Variants in ZNF641 observed in about 807,000 individuals in gnomAD.
ZNF641 encodes the protein zinc finger protein 641.
ZNF641 carries 26 observed loss-of-function variants against 46.2 expected under a neutral mutation model. The observed-to-expected ratio is 0.56, with a 90% CI of 0.41 to 0.78. The LOEUF (loss-of-function observed/expected upper bound fraction) is 0.78. ZNF641 is among the 30% of genes least tolerant of loss of function. The pLI, the probability that ZNF641 is intolerant of heterozygous loss-of-function variation, is 0.00. For missense variants in ZNF641, 469 were observed against 517.8 expected (o/e 0.91, Z 0.91); for synonymous variants, 163 against 187.9 (o/e 0.87, Z 1.09).
chr12:48,344,909 T>C (rs1470824353), intron 4 of ZNF641, 197 bp from the exon 5 acceptor site: 1 of 547,506 alleles, frequency 1.8e-6, no homozygotes, highest in East Asian at 3.1e-5. Context: ...AGAAAATCAC[T>C]CTCCTTCCCA....
rs1421717916 is a variant in ZNF641 at position 48,339,851 on chromosome 12, A to T, written c.*3122T>A. 1.2e-6 allele frequency: 1 copy of T among 859,510 alleles called. No homozygotes were observed. The highest frequency in any genetic ancestry group is 6.2e-5 in the Admixed American group (1 of 16,090). The allele number at this position is 859,510 out of a possible 1,614,324, so 53.2% of individuals were successfully genotyped here. On this transcript the variant is annotated 3_prime_UTR_variant, in exon 6 of 6. Transcript: ENST00000547026. ...CAATTAGAACTAAGGCGTAAAGTGTAAATAGCCTGGTGAAAAGCTAACACT... is the reference window on the plus strand; with the variant it reads ...CAATTAGAACTAAGGCGTAAAGTGTTAATAGCCTGGTGAAAAGCTAACACT...
rs537922329 is a variant in ZNF641 at position 48,343,390 on chromosome 12, G to A, written c.858C>T (p.Thr286=). 4.0e-5 allele frequency: 64 copies of A among 1,614,104 alleles called. 1 individual carries two copies. In the South Asian group the frequency reaches 6.5e-4, roughly 16 times the overall value. The change falls in exon 6 of 6, where the codon ACC becomes ACT. Residue 286 remains threonine, a synonymous_variant. Transcript: ENST00000547026. ...TGATGAGGTGATGTCTTCGCCCAAA[G>A]GTCTTCTCACACTTGAGGCAGCTGT... ...RPYSCLKCEK[T]FGRRHHLIRH...
chr12:48,347,048 A>C (rs1334315429), intron 3 of ZNF641: 4 of 966,388 alleles, frequency 4.1e-6, no homozygotes, highest in Non-Finnish European at 5.8e-6. Flanking sequence ...AAAAACCCTA[A>C]CCTCAAGGAA....
At position 48,341,901 on chromosome 12, in the gene ZNF641, A is replaced by T. The variant is rs1482571162; in HGVS notation, c.*1072T>A. Reference sequence around the variant, plus strand: ...CTTAACCTGTCATTTAACCCTTTCCACTAGTTCTCCCTTAACCAGACTGCT... The same window carrying T: ...CTTAACCTGTCATTTAACCCTTTCCTCTAGTTCTCCCTTAACCAGACTGCT... On this transcript the variant is annotated 3_prime_UTR_variant, in exon 6 of 6. Coordinates refer to ENST00000547026, the MANE Select transcript of ZNF641 (RefSeq NM_001172681.2). 5.1e-6 allele frequency: 5 copies of T among 985,388 alleles called. No individual in the cohort carries two copies. The highest frequency in any genetic ancestry group is 6.0e-6 in the Non-Finnish European group (5 of 829,950). 61.0% of individuals were successfully genotyped at this position (985,388 alleles called of 1,614,324 possible).
Position 48,338,936 on chromosome 12 carries a change from C to G in ZNF641, c.*4037G>C, listed in dbSNP as rs2732467. 0.55 allele frequency: 83,114 copies of G among 152,008 alleles called. 23,432 individuals are homozygous for G. Among genetic ancestry groups the G allele is most frequent in the Middle Eastern group, 0.62 (182 of 292 alleles). 9.4% of individuals were successfully genotyped at this position (152,008 alleles called of 1,614,324 possible). A position where few individuals can be genotyped will look rare whatever the true frequency, so the allele number is the denominator to read the frequency against. On this transcript the variant is annotated 3_prime_UTR_variant, in exon 6 of 6. Transcript: ENST00000547026. ...TCCACCTGCCTCTTATTAGAAGAGCCAGTGAAAAGGACAAGGCAAAGGAGA... is the reference window on the plus strand; with the variant it reads ...TCCACCTGCCTCTTATTAGAAGAGCGAGTGAAAAGGACAAGGCAAAGGAGA...
Position 48,341,151 on chromosome 12 carries a change from A to G in ZNF641, c.*1822T>C. The stretch of plus-strand genomic sequence containing the variant: ...CCAGGACTCTGAGGAGCTGTGATTC[A>G]CCCAGTTTTTCCTGCAAAAGGCACA... On this transcript the variant is annotated 3_prime_UTR_variant, in exon 6 of 6. Transcript: ENST00000547026. 1.0e-6 allele frequency: 1 copy of G among 985,424 alleles called. No individual in the cohort carries two copies. The highest frequency in any genetic ancestry group is 1.7e-5 in the African/African-American group (1 of 57,352). 61.0% of individuals were successfully genotyped at this position (985,424 alleles called of 1,614,324 possible). A position where few individuals can be genotyped will look rare whatever the true frequency, so the allele number is the denominator to read the frequency against.
chr12:48,349,987 C>T lies in ZNF641; in HGVS notation c.-26+799G>A, dbSNP rs571329995. The T allele has an allele frequency of 6.8e-6, 11 of 1,607,632 alleles. No homozygotes were observed. The East Asian group carries it at 2.5e-4, about 36-fold the overall frequency. ...GGGCCAGCTGTAAGTTTTTCTATAC[C>T]ACTGACAGAAATCCGTGGAAGTGCT... is the stretch of plus-strand genomic sequence containing the variant. On this transcript the variant is annotated intron_variant, in intron 1 of 5. Transcript: ENST00000547026.
rs975323414 is a variant in ZNF641 at position 48,342,733 on chromosome 12, A to G, written c.*240T>C. Reference sequence around the variant, plus strand: ...TCCTCTTGAGAACAGCTCAGGCTGAATATCAGCCCATGTAGGATGCATTGC... The same window carrying G: ...TCCTCTTGAGAACAGCTCAGGCTGAGTATCAGCCCATGTAGGATGCATTGC... On this transcript the variant is annotated 3_prime_UTR_variant, in exon 6 of 6. Coordinates refer to ENST00000547026, the MANE Select transcript of ZNF641 (RefSeq NM_001172681.2). 6.2e-6 allele frequency: 8 copies of G among 1,285,948 alleles called. No homozygotes were observed. The highest frequency in any genetic ancestry group is 6.0e-5 in the African/African-American group (4 of 67,200). The allele number at this position is 1,285,948 out of a possible 1,614,324, so 79.7% of individuals were successfully genotyped here. A position where few individuals can be genotyped will look rare whatever the true frequency, so the allele number is the denominator to read the frequency against.
At chr12:48,344,025 T>C (rs1952794693) in intron 5 of ZNF641, among the ~76,000 whole-genome samples, 1 of 152,268 alleles carries the variant, frequency 6.6e-6, no homozygotes, top group Non-Finnish European at 1.5e-5. Flanking sequence ...ATAAGATAGA[T>C]AGCACAGAAC....
chr12:48,347,485 G>T, intron 2 of ZNF641, 142 bp from the exon 3 acceptor site: 1 of 695,066 alleles, frequency 1.4e-6, no homozygotes, highest in Non-Finnish European at 2.3e-6. Flanking sequence ...AAATGTAGAT[G>T]AGAAGGCCAT....
chr12:48,350,462 G>C (rs1952999537), intron 1 of ZNF641: 1 of 219,456 alleles, frequency 4.6e-6, no homozygotes, highest in Non-Finnish European at 9.3e-6. Flanking sequence ...GGCAGAACTG[G>C]AGCAGGGGAA....
chr12:48,345,412 G>A lies in ZNF641; in HGVS notation c.339C>T (p.Asp113=), dbSNP rs780055685. The A allele has an allele frequency of 1.2e-6, 2 of 1,614,142 alleles. No homozygotes were observed. The highest frequency in any genetic ancestry group is 1.7e-6 in the Non-Finnish European group (2 of 1,180,008). Residue 113 remains aspartate, a synonymous_variant, in exon 4 of 6, where the codon GAC becomes GAT. Transcript: ENST00000547026. ...CTCCATAAAAGTCTGTCTGAGAGGG[G>A]TCCAGGCTCCGCCACTCCTCCTGAG... ...CFSQEEWRSL[D]PSQTDFYGEY...
At chr12:48,336,728 C>T (rs1473359603), downstream of ZNF641, among the ~76,000 whole-genome samples, 1 of 152,238 alleles carries the variant, frequency 6.6e-6, no homozygotes, top group African/African-American at 2.4e-5. Flanking sequence ...GTCACACTCA[C>T]TACCGCCACC....
At chr12:48,336,868 A>C (rs1565982825), downstream of ZNF641, among the ~76,000 whole-genome samples, 3 of 152,270 alleles carry the variant, frequency 2.0e-5, no homozygotes, top group South Asian at 6.2e-4. Flanking sequence ...TGATCTCCCT[A>C]GTCCTGGCCC....
At chr12:48,334,959 C>T (rs1952593939), downstream of ZNF641, among the ~76,000 whole-genome samples, 3 of 152,170 alleles carry the variant, frequency 2.0e-5, no homozygotes, top group African/African-American at 7.2e-5. Context: ...GCACAGGCAC[C>T]ATAAATCAAC....
chr12:48,343,323 A>G lies in ZNF641; in HGVS notation c.925T>C (p.Ser309Pro), dbSNP rs1301197805. Residue 309 changes from serine to proline, a missense_variant, in exon 6 of 6, where the codon TCT becomes CCT. By Grantham distance (74) the Ser-to-Pro change is moderately conservative (BLOSUM62 -1). Around this residue, in one of 3 missense-constraint regions of ZNF641, gnomAD observed 346 missense variants for 354.0 expected, o/e 0.98. Coordinates refer to ENST00000547026, the MANE Select transcript of ZNF641 (RefSeq NM_001172681.2). ...CATCGGAAATTCTTACCACACTCAG[A>G]GCACCTGCTGGTCTTGTCATGTAGG... ...THLHDKTSRC[S>P]ECGKNFRCNS... The G allele has an allele frequency of 1.2e-6, 2 of 1,614,018 alleles. No individual in the cohort carries two copies. The highest frequency in any genetic ancestry group is 3.3e-5 in the Admixed American group (2 of 60,002).
At chr12:48,344,773 A>T (rs1416508256) in intron 4 of ZNF641, 61 bp from the exon 5 acceptor site, 1 of 48,516 alleles carries the variant, frequency 2.1e-5, no homozygotes, top group Non-Finnish European at 8.5e-5. Context: ...TATATTTCTG[A>T]AAAAAAAATA....
intron 1 of ZNF641, among the ~76,000 whole-genome samples, chr12:48,349,205 T>A (rs559499511): frequency 2.6e-5 from 4 of 152,318 alleles, no homozygotes; most frequent in South Asian, 2.1e-4. Context: ...TATTTTTTTT[T>A]AATTCTTAAT....
chr12:48,345,341 T>C lies in ZNF641; in HGVS notation c.406+4A>G. 3 of 1,613,792 alleles carry C rather than the reference T, an allele frequency of 1.9e-6. No individual in the cohort carries two copies. Among genetic ancestry groups the C allele is most frequent in the Non-Finnish European group, 2.5e-6 (3 of 1,179,826 alleles). On this transcript the variant is annotated splice_donor_region_variant and intron_variant, in intron 4 of 5. Transcript: ENST00000547026. ...TTCTAGTGGCTGGAGAAGGTCATGC[T>C]TACTCAGAGAGACTACTATCCCACA...
Sources: gnomAD v4.1 joint callset for allele counts (sites outside exome capture counted in the v4.1 genomes callset) on GRCh38, gnomAD v4.1.1 for gene constraint, gnomAD v4.1.1 regional missense constraint, MANE v1.5 for transcripts, NCBI Gene and HGNC (gene_info 2026-07-23, HGNC 2026-07-21) for gene names.